Variants in SYK observed in about 807,000 individuals in gnomAD.
SYK encodes the protein spleen associated tyrosine kinase.
Under a neutral mutation model 77.8 loss-of-function variants are expected in SYK, and 16 were observed. That is an observed-to-expected ratio of 0.21 (90% CI 0.14 to 0.31). The LOEUF (loss-of-function observed/expected upper bound fraction) is 0.31. Ranked by LOEUF, SYK falls within the 10% of genes least tolerant of loss-of-function variation. The probability of loss-of-function intolerance (pLI) is 1.00; values close to 1 mark genes in which losing one functional copy is unlikely to be tolerated. For synonymous variants in SYK, 312 were observed against 308.7 expected, an observed-to-expected ratio of 1.01 and a Z score of -0.11; for missense variants, 529 against 814.4, an observed-to-expected ratio of 0.65 and a Z score of 4.26.
chr9:90,873,493 T>TCCC (rs202140865), intron 7 of SYK, among the ~76,000 whole-genome samples: 1 of 151,604 alleles, frequency 6.6e-6, no homozygotes, highest in African/African-American at 2.4e-5. Context: ...TGAGTAGATT[T>TCCC]CCCCCCCCAG....
At chr9:90,820,171 C>T (rs1278213368) in intron 1 of SYK, among the ~76,000 whole-genome samples, 1 of 152,210 alleles carries the variant, frequency 6.6e-6, no homozygotes, top group African/African-American at 2.4e-5. Flanking sequence ...GCTGCTTTCA[C>T]AGGTTGGCAT....
intron 3 of SYK, among the ~76,000 whole-genome samples, chr9:90,848,216 C>T (rs531814753): frequency 3.3e-5 from 5 of 152,296 alleles, no homozygotes; most frequent in Non-Finnish European, 5.9e-5. Flanking sequence ...GTTGCCTAGA[C>T]GTTGGTCCAG....
At chr9:90,807,177 G>A (rs1824871985) in intron 1 of SYK, among the ~76,000 whole-genome samples, 1 of 152,214 alleles carries the variant, frequency 6.6e-6, no homozygotes. Flanking sequence ...TGACCCTGCA[G>A]TGCGTTTGTT....
At chr9:90,803,642 A>G (rs1400391374) in intron 1 of SYK, among the ~76,000 whole-genome samples, 9 of 152,032 alleles carry the variant, frequency 5.9e-5, no homozygotes, top group Non-Finnish European at 4.4e-5. Context: ...TTTTTAATGG[A>G]AGACTTCTTA....
chr9:90,859,311 G>GT (rs538323124), intron 3 of SYK, among the ~76,000 whole-genome samples: 94 of 152,148 alleles, frequency 6.2e-4, no homozygotes, highest in African/African-American at 1.9e-3. Flanking sequence ...TCATTTGTTT[G>GT]TTTTTTTAGT....
intron 11 of SYK, among the ~76,000 whole-genome samples, chr9:90,882,788 C>T (rs553369228): frequency 6.6e-6 from 1 of 152,226 alleles, no homozygotes; most frequent in African/African-American, 2.4e-5. Flanking sequence ...ACAGGAAGCA[C>T]CAAAAGCAAA....
chr9:90,864,576 T>G lies in SYK; in HGVS notation c.718-13T>G. 1.9e-6 allele frequency: 3 copies of G among 1,612,614 alleles called. No individual in the cohort carries two copies. The South Asian group carries it at 3.3e-5, about 18-fold the overall frequency. Reference sequence around the variant, plus strand: ...CTTGGTATTTACCACTTTCTTACTTTTTTCTCTTTCAGCTAGTCGAGCATT... The same window carrying G: ...CTTGGTATTTACCACTTTCTTACTTGTTTCTCTTTCAGCTAGTCGAGCATT... On this transcript the variant is annotated splice_polypyrimidine_tract_variant and intron_variant, in intron 4 of 13. Transcript: ENST00000375754.
rs150672706 is a variant in SYK at position 90,898,489 on chromosome 9, G to C, written c.*2889G>C. On this transcript the variant is annotated 3_prime_UTR_variant, in exon 14 of 14. Transcript: ENST00000375754. ...TGTGTTTTCCATTCATTTCAGAAGA[G>C]CTACATTGTGTCACTGGACATTTTT... 4.4e-4 allele frequency: 95 copies of C among 216,760 alleles called. No homozygotes were observed. The highest frequency in any genetic ancestry group is 2.0e-3 in the African/African-American group (89 of 44,506). 13.4% of individuals were successfully genotyped at this position (216,760 alleles called of 1,614,324 possible).
intron 13 of SYK, among the ~76,000 whole-genome samples, chr9:90,889,308 G>A (rs551141950): frequency 7.2e-5 from 11 of 152,344 alleles, no homozygotes; most frequent in East Asian, 5.8e-4. Context: ...TGCATAGCAC[G>A]GTGACCCCAA....
chr9:90,842,988 G>T (rs1006056581), intron 1 of SYK, among the ~76,000 whole-genome samples: 4 of 152,078 alleles, frequency 2.6e-5, no homozygotes, highest in Admixed American at 6.5e-5. Context: ...TGCATTGGCC[G>T]CCTTTCTTTT....
chr9:90,888,783 G>C (rs1447687684), intron 13 of SYK, among the ~76,000 whole-genome samples, 156 bp downstream of exon 13: 1 of 152,214 alleles, frequency 6.6e-6, no homozygotes, highest in Non-Finnish European at 1.5e-5. Context: ...TTGCTTTAGA[G>C]ACCTTGCTTT....
At chr9:90,802,116 G>C (rs1387498368) in intron 1 of SYK, 2 of 152,324 alleles carry the variant, frequency 1.3e-5, no homozygotes, top group African/African-American at 2.4e-5. Context: ...AGGGGCTCAG[G>C]CCTGGGCGGA....
At chr9:90,844,345 C>T (rs1280268014) in intron 2 of SYK, 30 bp downstream of exon 2, 1 of 1,529,832 alleles carries the variant, frequency 6.5e-7, no homozygotes, top group South Asian at 1.3e-5. Context: ...GCTCCCTGGG[C>T]CCAGGGGGCC....
chr9:90,840,478 CCCGG>C (rs1564084739), intron 1 of SYK, among the ~76,000 whole-genome samples: 1 of 151,616 alleles, frequency 6.6e-6, no homozygotes, highest in African/African-American at 2.4e-5. Context: ...AGCCACCGCG[CCCGG>C]CCAAGGCGGG....
At chr9:90,830,558 T>C (rs1448247829) in intron 1 of SYK, among the ~76,000 whole-genome samples, 1 of 149,454 alleles carries the variant, frequency 6.7e-6, no homozygotes, top group Non-Finnish European at 1.5e-5. Context: ...AGATCAATTC[T>C]CCCTCTGGTT....
intron 3 of SYK, among the ~76,000 whole-genome samples, chr9:90,856,952 C>A (rs290205): frequency 0.14 from 20,926 of 152,218 alleles, 1,582 homozygotes; most frequent in East Asian, 0.29. Context: ...AATCCCACAT[C>A]CAGGTGCTCA....
chr9:90,841,173 G>T (rs558727538), intron 1 of SYK, among the ~76,000 whole-genome samples: 10 of 150,654 alleles, frequency 6.6e-5, no homozygotes, highest in Non-Finnish European at 3.0e-5. Flanking sequence ...GTTTGTGTGT[G>T]TTTTTATGTG....
At chr9:90,859,877 C>T (rs1827185686) in intron 3 of SYK, among the ~76,000 whole-genome samples, 1 of 152,220 alleles carries the variant, frequency 6.6e-6, no homozygotes. Flanking sequence ...GAAACCTGTG[C>T]TTGTCTGTCT....
At chr9:90,818,937 C>A (rs1226134926) in intron 1 of SYK, among the ~76,000 whole-genome samples, 1 of 152,206 alleles carries the variant, frequency 6.6e-6, no homozygotes, top group Non-Finnish European at 1.5e-5. Flanking sequence ...GGAAACCAGG[C>A]AGATTTTTCT....
Sources: allele counts gnomAD v4.1 joint callset (sites outside exome capture counted in the v4.1 genomes callset), GRCh38; gene constraint gnomAD v4.1.1; transcripts MANE v1.5; gene names NCBI Gene and HGNC (gene_info 2026-07-23, HGNC 2026-07-21).